Variants in NTRK2 observed in about 807,000 individuals in gnomAD.
NTRK2 encodes the protein BDNF/NT-3 growth factors receptor.
NTRK2 carries 13 observed loss-of-function variants against 94.5 expected under a neutral mutation model. That is an observed-to-expected ratio of 0.14 (90% CI 0.09 to 0.22). The LOEUF (loss-of-function observed/expected upper bound fraction) is 0.22. Ranked by LOEUF, NTRK2 falls within the 10% of genes least tolerant of loss-of-function variation. The pLI, the probability that NTRK2 is intolerant of heterozygous loss-of-function variation, is 1.00. For missense variants in NTRK2, 639 were observed against 1,071.2 expected, an observed-to-expected ratio of 0.60 and a Z score of 5.63; for synonymous variants, 372 against 407.4, an observed-to-expected ratio of 0.91 and a Z score of 1.05.
intron 14 of NTRK2, among the ~76,000 whole-genome samples, chr9:84,906,601 A>G (rs1353789978): frequency 2.6e-5 from 4 of 152,190 alleles, no homozygotes; most frequent in African/African-American, 9.7e-5. Flanking sequence ...CTGTCCAACC[A>G]CTACGTTGAT....
At chr9:84,727,531 G>A in intron 8 of NTRK2, 123 bp from the exon 9 acceptor site, 1 of 918,200 alleles carries the variant, frequency 1.1e-6, no homozygotes, top group Non-Finnish European at 1.7e-6. Context: ...CAGAGTTTCT[G>A]ATGATGTGTT....
chr9:84,835,380 G>A (rs911627765), intron 12 of NTRK2, among the ~76,000 whole-genome samples: 2 of 152,042 alleles, frequency 1.3e-5, no homozygotes, highest in African/African-American at 4.8e-5. Flanking sequence ...TTCTGTCAGC[G>A]AAATGAGCCC....
intron 12 of NTRK2, among the ~76,000 whole-genome samples, chr9:84,848,746 G>GA (rs1431093588): frequency 6.6e-6 from 1 of 152,160 alleles, no homozygotes; most frequent in African/African-American, 2.4e-5. Context: ...CTTTGAGCAC[G>GA]AAAAAAATCA....
chr9:84,707,830 T>C lies in NTRK2; in HGVS notation c.360-14T>C. The C allele has an allele frequency of 6.2e-7, 1 of 1,604,218 alleles. No homozygotes were observed. The highest frequency in any genetic ancestry group is 1.3e-5 in the African/African-American group (1 of 74,894). Reference sequence around the variant, plus strand: ...CATTTTAAATTCATGTTTAATGTTTTTGATTCCTTTCAGCAATTTTACCCG... The same window carrying C: ...CATTTTAAATTCATGTTTAATGTTTCTGATTCCTTTCAGCAATTTTACCCG... On this transcript the variant is annotated splice_polypyrimidine_tract_variant and intron_variant, in intron 4 of 18. Transcript: ENST00000277120.
At chr9:84,800,879 T>C (rs2070347702) in intron 12 of NTRK2, among the ~76,000 whole-genome samples, 2 of 152,132 alleles carry the variant, frequency 1.3e-5, no homozygotes, top group South Asian at 2.1e-4. Flanking sequence ...CAGGAGGAAA[T>C]TGGAATTTTG....
At chr9:84,719,648 C>G (rs2061932491) in intron 6 of NTRK2, among the ~76,000 whole-genome samples, 1 of 152,034 alleles carries the variant, frequency 6.6e-6, no homozygotes, top group African/African-American at 2.4e-5. Context: ...GGGGTCATAC[C>G]TTGAGAACAA....
chr9:84,845,250 TACACACACACAC>T (rs58910921), intron 12 of NTRK2, among the ~76,000 whole-genome samples: 3 of 147,902 alleles, frequency 2.0e-5, no homozygotes. Context: ...ATGTGGTGTA[TACACACACACAC>T]ACACACACAC....
intron 14 of NTRK2, among the ~76,000 whole-genome samples, chr9:84,882,719 T>TGTGTGTGTGTGTGCGCGCGC (rs761042296): frequency 1.4e-5 from 2 of 145,742 alleles, no homozygotes; most frequent in African/African-American, 5.3e-5. Context: ...TGTGTGTGTG[T>TGTGTGTGTGTGTGCGCGCGC]GCGCGCGCGC....
intron 12 of NTRK2, among the ~76,000 whole-genome samples, chr9:84,798,324 G>A (rs1018023677): frequency 6.6e-6 from 1 of 152,116 alleles, no homozygotes; most frequent in Non-Finnish European, 1.5e-5. Context: ...TTAGGTTTCA[G>A]CATATGAATT....
intron 2 of NTRK2, among the ~76,000 whole-genome samples, chr9:84,679,021 C>G (rs763399888): frequency 6.6e-6 from 1 of 152,144 alleles, no homozygotes; most frequent in African/African-American, 2.4e-5. Context: ...AAAAGAGACT[C>G]CAGAGAGCTT....
chr9:84,910,515 G>A (rs1189554363), intron 14 of NTRK2, among the ~76,000 whole-genome samples: 4 of 152,032 alleles, frequency 2.6e-5, no homozygotes, highest in African/African-American at 7.2e-5. Context: ...TGGATTTAAG[G>A]CCTACTCTAA....
At chr9:84,769,066 T>A (rs2066293049) in intron 12 of NTRK2, among the ~76,000 whole-genome samples, 2 of 152,100 alleles carry the variant, frequency 1.3e-5, no homozygotes, top group Admixed American at 1.3e-4. Context: ...GAGAAAGAGT[T>A]CAGGGGAGCC....
chr9:84,944,213 TCTCACACA>T (rs1357612460), intron 15 of NTRK2, among the ~76,000 whole-genome samples: 9 of 136,888 alleles, frequency 6.6e-5, no homozygotes, highest in South Asian at 2.3e-4. Context: ...TCTCTCTCTC[TCTCACACA>T]CACACACACA....
intron 17 of NTRK2, among the ~76,000 whole-genome samples, chr9:84,957,089 T>C (rs1434493277): frequency 1.3e-5 from 2 of 152,174 alleles, no homozygotes; most frequent in African/African-American, 4.8e-5. Context: ...TACACCTTAA[T>C]GAAAGTTCTC....
At chr9:84,955,173 C>A (rs1186330074) in intron 16 of NTRK2, 110 bp from the exon 17 acceptor site, 1 of 848,782 alleles carries the variant, frequency 1.2e-6, no homozygotes, top group Non-Finnish European at 1.9e-6. Context: ...CCAGCAGCTA[C>A]AGGGTGGGGG....
chr9:84,956,224 GTTTAGC>G (rs1275872223), intron 17 of NTRK2, among the ~76,000 whole-genome samples: 1 of 152,194 alleles, frequency 6.6e-6, no homozygotes, highest in East Asian at 1.9e-4. Flanking sequence ...GTTGAAAGCG[GTTTAGC>G]TTGGTGAGAT....
intron 17 of NTRK2, among the ~76,000 whole-genome samples, chr9:85,017,503 G>A (rs572168235): frequency 1.1e-4 from 17 of 152,250 alleles, no homozygotes; most frequent in Admixed American, 1.1e-3. Context: ...ACCTCAAAGT[G>A]TATTTTTAGC....
intron 12 of NTRK2, chr9:84,811,113 A>C: frequency 9.4e-7 from 1 of 1,068,418 alleles, no homozygotes; most frequent in South Asian, 4.4e-5. Context: ...TTTTTCATCT[A>C]TAACACAGTG....
intron 12 of NTRK2, among the ~76,000 whole-genome samples, chr9:84,823,783 T>C (rs1207710360): frequency 1.3e-5 from 2 of 152,220 alleles, no homozygotes; most frequent in Non-Finnish European, 2.9e-5. Flanking sequence ...AAGGTCTCTA[T>C]GAGCCAAACA....
Sources: gnomAD v4.1 joint callset for allele counts (sites outside exome capture counted in the v4.1 genomes callset) on GRCh38, gnomAD v4.1.1 for gene constraint, MANE v1.5 for transcripts, NCBI Gene and HGNC (gene_info 2026-07-23, HGNC 2026-07-21) for gene names.